WDR62: variants seen among roughly 807,000 people sequenced by gnomAD.
WDR62 encodes the protein WD repeat-containing protein 62.
Under a neutral mutation model 160.6 loss-of-function variants are expected in WDR62, and 112 were observed. That is an observed-to-expected ratio of 0.70 (90% CI 0.60 to 0.82). The LOEUF is 0.82. Among genes scored for constraint, WDR62 ranks in the 40% least tolerant of loss-of-function variants. The pLI is 0.00. For synonymous variants in WDR62, 792 were observed against 815.1 expected (o/e 0.97, Z 0.48); for missense variants, 1,819 against 1,983.8 (o/e 0.92, Z 1.58).
rs781688348 is a variant in WDR62, at chr19:36,092,746, GC to G, written c.2269del (p.Leu757TrpfsTer36). The G allele has an allele frequency of 6.2e-7, 1 of 1,614,152 alleles. No individual in the cohort carries two copies. The highest frequency in any genetic ancestry group is 1.1e-5 in the South Asian group (1 of 91,082). On this transcript the variant is annotated frameshift_variant, in exon 19 of 32. Transcript: ENST00000401500. LOFTEE classifies it high-confidence loss of function. ...EITNCMKQHLLEIDHRQQQQH... is the reference protein window; with the variant it reads ...EITNCMKQHLXEIDHRQQQQH... The stretch of plus-strand genomic sequence containing the variant: ...TCACCAACTGCATGAAGCAGCACTT[GC>G]TGGAGATTGACCACCGGCAGCAGCA...
At position 36,086,849 on chromosome 19, in the gene WDR62, G is replaced by C. The variant is rs774106076; in HGVS notation, c.1768+37G>C. On this transcript the variant is annotated intron_variant, in intron 13 of 31. Coordinates refer to ENST00000401500, the MANE Select transcript of WDR62 (RefSeq NM_001083961.2). ...TCTTCCCGCTCCCTGCGCCTTGCTA[G>C]CTACCCTGCTAAAAAAGGATTCATT... The C allele has an allele frequency of 2.0e-5, 32 of 1,597,882 alleles. No individual in the cohort carries two copies. The Admixed American group carries it at 4.9e-4, about 25-fold the overall frequency.
rs1345551552 is a variant in WDR62, at chr19:36,102,097, CAGG to C, written c.3169_3171del (p.Glu1057del). On this transcript the variant is annotated inframe_deletion, in exon 26 of 32. Coordinates refer to ENST00000401500, the MANE Select transcript of WDR62 (RefSeq NM_001083961.2). Reference sequence around the variant, plus strand: ...CAGCTCCCTACCCCAGACTCCGGAGCAGGAGAAGTTCCTCCGCCACCACTTTGA... The same window carrying C: ...CAGCTCCCTACCCCAGACTCCGGAGCAGAAGTTCCTCCGCCACCACTTTGA... 24 of 1,614,064 alleles carry C rather than the reference CAGG, an allele frequency of 1.5e-5. No individual in the cohort carries two copies. The highest frequency in any genetic ancestry group is 1.9e-5 in the Non-Finnish European group (23 of 1,180,042).
At chr19:36,066,094 G>A (rs1970923052) in intron 4 of WDR62, 79 bp downstream of exon 4, 2 of 1,588,464 alleles carry the variant, frequency 1.3e-6, no homozygotes, top group African/African-American at 1.3e-5. Flanking sequence ...CGGCAGGCCT[G>A]GGAGTCCCTG....
chr19:36,083,637 G>A (rs1055131532), intron 11 of WDR62, among the ~76,000 whole-genome samples: 1 of 152,160 alleles, frequency 6.6e-6, no homozygotes, highest in African/African-American at 2.4e-5. Context: ...GAGAGTTCAG[G>A]CTGCTTATGT....
chr19:36,077,271 C>G (rs1971623706), intron 9 of WDR62, among the ~76,000 whole-genome samples: 1 of 125,280 alleles, frequency 8.0e-6, no homozygotes, highest in Admixed American at 1.0e-4. Flanking sequence ...TTCCTTCCTT[C>G]CTTCCTTTTT....
At position 36,088,505 on chromosome 19, in the gene WDR62, A is replaced by G. The variant is rs558852763; in HGVS notation, c.1769-533A>G. Among the ~76,000 whole-genome samples the G allele has an allele frequency of 2.6e-5, 4 of 152,264 alleles. No homozygotes were observed. The South Asian group carries it at 6.2e-4, about 24-fold the overall frequency. ...ACAGCTTTGACCTTGGCACCAGAGA[A>G]TGCCTGGGTTCAGTCCTGCCCCTGT... On this transcript the variant is annotated intron_variant, in intron 13 of 31. Transcript: ENST00000401500.
At position 36,055,008 on chromosome 19, in the gene WDR62, G is replaced by T; in HGVS notation, c.37G>T (p.Asp13Tyr). 1 of 1,608,066 alleles carries T rather than the reference G, an allele frequency of 6.2e-7. No homozygotes were observed. The highest frequency in any genetic ancestry group is 8.5e-7 in the Non-Finnish European group (1 of 1,178,484). The stretch of plus-strand genomic sequence containing the variant: ...AGGGTCCGGAGGCTATGCGCGGAAC[G>T]ATGCAGGGGAGAAGCTGCCCTCTGT... Reference protein sequence around the residue: ...AVGSGGYARNDAGEKLPSVMA... With the variant: ...AVGSGGYARNYAGEKLPSVMA... Residue 13 changes from aspartate (D) to tyrosine (Y), a missense_variant, in exon 1 of 32, where the codon GAT becomes TAT. Around this residue, in one of 3 missense-constraint regions of WDR62, gnomAD observed 115 missense variants for 92.4 expected, o/e 1.24. Transcript: ENST00000401500.
intron 20 of WDR62, 119 bp from the exon 21 acceptor site, chr19:36,096,908 G>C: frequency 1.2e-6 from 1 of 855,608 alleles, no homozygotes; most frequent in South Asian, 1.4e-5. Context: ...AACCCCCGGT[G>C]CTGTTGAGCC....
intron 9 of WDR62, chr19:36,076,109 T>C (rs1175299338): frequency 6.6e-6 from 1 of 152,204 alleles, no homozygotes; most frequent in African/African-American, 2.4e-5. Context: ...CTTTGGCCAG[T>C]GAGAGCCTCT....
intron 11 of WDR62, 106 bp downstream of exon 11, chr19:36,083,347 G>T: frequency 8.7e-7 from 1 of 1,147,548 alleles, no homozygotes; most frequent in Non-Finnish European, 1.3e-6. Context: ...TGCCCATTGG[G>T]AATGAGGGGC....
chr19:36,104,200 A>G (rs1043552608), intron 30 of WDR62, among the ~76,000 whole-genome samples: 1 of 152,270 alleles, frequency 6.6e-6, no homozygotes, highest in African/African-American at 2.4e-5. Flanking sequence ...GACAGCTTCA[A>G]TGGGGACAAT....
At chr19:36,070,001 A>T (rs1028030928) in intron 7 of WDR62, among the ~76,000 whole-genome samples, 1 of 112,846 alleles carries the variant, frequency 8.9e-6, no homozygotes, top group African/African-American at 4.1e-5. Flanking sequence ...AGAGAGGGAG[A>T]GGGAGACCGT....
At chr19:36,081,803 G>A (rs1568345631) in intron 10 of WDR62, 1 of 663,240 alleles carries the variant, frequency 1.5e-6, no homozygotes, top group Non-Finnish European at 2.8e-6. Context: ...GTTGGCTCCT[G>A]CTCTGCAGAT....
intron 20 of WDR62, among the ~76,000 whole-genome samples, chr19:36,096,670 C>T (rs575089765): frequency 2.6e-4 from 39 of 150,958 alleles, no homozygotes; most frequent in Non-Finnish European, 5.2e-4. Flanking sequence ...GAGATCGCGC[C>T]ACTGCACTCC....
In WDR62 at chr19:36,103,742, G is replaced by A. The variant is rs764817414; in HGVS notation, c.3914G>A (p.Cys1305Tyr). 4 of 1,611,472 alleles carry A rather than the reference G, an allele frequency of 2.5e-6. No homozygotes were observed. Among genetic ancestry groups the A allele is most frequent in the South Asian group, 1.1e-5 (1 of 91,070 alleles). The change falls in exon 30 of 32, where the codon TGT becomes TAT. Residue 1305 changes from cysteine (C) to tyrosine (Y), a missense_variant. Cys to Tyr is a radical substitution (Grantham distance 194). This residue lies in a region of WDR62 where 770 missense variants were observed against 734.2 expected (regional missense o/e 1.05). Coordinates refer to ENST00000401500, the MANE Select transcript of WDR62 (RefSeq NM_001083961.2). Reference protein sequence around the residue: ...ANLRLTLSSACDGLLQPPVDT... With the variant: ...ANLRLTLSSAYDGLLQPPVDT... ...CTGAGACTGACCCTGTCAAGTGCCTGTGATGGGCTCCTGCAGCCCCCCGTG... is the reference window on the plus strand; with the variant it reads ...CTGAGACTGACCCTGTCAAGTGCCTATGATGGGCTCCTGCAGCCCCCCGTG...
At chr19:36,105,233 CAAG>C (rs1973682533), downstream of WDR62, 2 of 659,910 alleles carry the variant, frequency 3.0e-6, no homozygotes, top group South Asian at 3.8e-5. Context: ...CCAGCGCTCC[CAAG>C]AAGTTCAGGA....
intron 9 of WDR62, among the ~76,000 whole-genome samples, chr19:36,074,527 C>T (rs1460697473): frequency 6.6e-6 from 1 of 151,966 alleles, no homozygotes; most frequent in Non-Finnish European, 1.5e-5. Flanking sequence ...CCAGGCGCGC[C>T]TATAGTTGCA....
chr19:36,102,771 C>T lies in WDR62; in HGVS notation c.3255C>T (p.Ala1085=), dbSNP rs772228420. ...LFPAALGDVE[A]SEAEDHFFNP... is the part of the protein sequence containing the mutation. ...CCGCAGCTCTGGGAGACGTGGAGGC[C>T]TCTGAAGCTGAAGACCACTTCTTCA... is the stretch of plus-strand genomic sequence containing the variant. Residue 1085 remains alanine (A), a synonymous_variant, in exon 27 of 32, where the codon GCC becomes GCT. Transcript: ENST00000401500. 6.2e-5 allele frequency: 100 copies of T among 1,614,092 alleles called. No homozygotes were observed. The South Asian group carries it at 1.1e-3, about 18-fold the overall frequency.
intron 13 of WDR62, among the ~76,000 whole-genome samples, chr19:36,088,222 T>C (rs925654941): frequency 1.2e-4 from 19 of 152,054 alleles, no homozygotes. Context: ...CTCACCAAAC[T>C]GTTATTCTGT....
Sources: allele counts gnomAD v4.1 joint callset (sites outside exome capture counted in the v4.1 genomes callset), GRCh38; gene constraint gnomAD v4.1.1; regional missense constraint gnomAD v4.1.1; transcripts MANE v1.5; gene names NCBI Gene and HGNC (gene_info 2026-07-23, HGNC 2026-07-21).